RTF1: variants seen among roughly 807,000 people sequenced by gnomAD.
The protein encoded by RTF1 is RTF1 homolog, Paf1/RNA polymerase II complex component, also known as RNA polymerase-associated protein RTF1 homolog.
In RTF1, 10 loss-of-function variants were observed where a neutral mutation model predicts 95.7. The observed-to-expected ratio is 0.10, with a 90% CI of 0.06 to 0.18. The LOEUF (loss-of-function observed/expected upper bound fraction) is 0.18, where lower values mean the gene tolerates loss of function less well. Ranked by LOEUF, RTF1 falls within the 10% of genes least tolerant of loss-of-function variation. The pLI, the probability that RTF1 is intolerant of heterozygous loss-of-function variation, is 1.00. For synonymous variants in RTF1, 305 were observed against 311.8 expected (o/e 0.98, Z 0.23); for missense variants, 458 against 875.6 (o/e 0.52, Z 6.02).
At chr15:41,465,797 C>T (rs2050877648) in intron 5 of RTF1, among the ~76,000 whole-genome samples, 1 of 152,064 alleles carries the variant, frequency 6.6e-6, no homozygotes, top group Non-Finnish European at 1.5e-5. Flanking sequence ...CTGTATTTAT[C>T]ATAAATGAGA....
At chr15:41,455,321 A>T (rs1021653797) in intron 3 of RTF1, among the ~76,000 whole-genome samples, 23 of 151,912 alleles carry the variant, frequency 1.5e-4, no homozygotes, top group Admixed American at 2.6e-4. Context: ...TCCAAAAAAA[A>T]AAAAAAGAAA....
At chr15:41,424,813 A>C (rs566309583) in intron 1 of RTF1, among the ~76,000 whole-genome samples, 2 of 152,164 alleles carry the variant, frequency 1.3e-5, no homozygotes, top group African/African-American at 4.8e-5. Context: ...GAGTTCGACC[A>C]GGCGGGCCAA....
At chr15:41,470,739 A>C in intron 7 of RTF1, among the ~76,000 whole-genome samples, 1 of 144,356 alleles carries the variant, frequency 6.9e-6, no homozygotes, top group East Asian at 2.0e-4. Context: ...GCTCACTGCA[A>C]GCTCCGCCTC....
chr15:41,422,870 G>A (rs2050609525), intron 1 of RTF1, among the ~76,000 whole-genome samples: 2 of 152,076 alleles, frequency 1.3e-5, no homozygotes, highest in Non-Finnish European at 2.9e-5. Context: ...CGCCTCCCGG[G>A]TTCAAACAAT....
chr15:41,440,758 G>T (rs185563080), intron 2 of RTF1, among the ~76,000 whole-genome samples: 3 of 152,094 alleles, frequency 2.0e-5, no homozygotes, highest in Admixed American at 2.0e-4. Context: ...CAAAGTGCTG[G>T]GATTAGAGGC....
At chr15:41,449,805 C>T (rs1414389753) in intron 2 of RTF1, among the ~76,000 whole-genome samples, 3 of 151,652 alleles carry the variant, frequency 2.0e-5, no homozygotes, top group Non-Finnish European at 2.9e-5. Flanking sequence ...ATCATAAAAA[C>T]GAAAAGAAAA....
At chr15:41,478,512 G>C (rs1315192668) in intron 14 of RTF1, 36 bp from the exon 15 acceptor site, 2 of 1,534,670 alleles carry the variant, frequency 1.3e-6, no homozygotes, top group Admixed American at 3.3e-5. Context: ...GGAGGGGCTG[G>C]AGGTGCAGTT....
In RTF1 at chr15:41,471,228, G is replaced by A. The variant is rs1312343430; in HGVS notation, c.1082G>A (p.Arg361Gln). 1.2e-6 allele frequency: 2 copies of A among 1,613,490 alleles called. No homozygotes were observed. The highest frequency in any genetic ancestry group is 1.7e-6 in the Non-Finnish European group (2 of 1,179,836). ...GTTTCCTTACCTGAAGAATTGAATC[G>A]GGTTCGATTATCACGGCATAAGCTA... ...QPVSLPEELN[R>Q]VRLSRHKLER... The change falls in exon 8 of 18, where the codon CGG becomes CAG. Residue 361 changes from arginine (R) to glutamine (Q), a missense_variant. Physicochemically the swap from Arg to Gln is conservative, Grantham distance 43 (BLOSUM62 1). Transcript: ENST00000389629.
chr15:41,420,741 G>A (rs528368260), intron 1 of RTF1, among the ~76,000 whole-genome samples: 1 of 152,170 alleles, frequency 6.6e-6, no homozygotes, highest in Admixed American at 6.5e-5. Context: ...GGTTTTTCCT[G>A]GTGGTAGGGG....
intron 1 of RTF1, among the ~76,000 whole-genome samples, chr15:41,431,716 C>A (rs569780384): frequency 6.6e-6 from 1 of 152,134 alleles, no homozygotes; most frequent in East Asian, 1.9e-4. Context: ...CCAGACTGGT[C>A]TCGAATTCCT....
intron 6 of RTF1, among the ~76,000 whole-genome samples, chr15:41,467,972 C>T (rs1359952899): frequency 6.6e-6 from 1 of 152,112 alleles, no homozygotes; most frequent in Non-Finnish European, 1.5e-5. Context: ...GGAGACCAGC[C>T]TGGCCAACAG....
chr15:41,459,964 G>A (rs1165767072), intron 4 of RTF1, among the ~76,000 whole-genome samples: 1 of 152,110 alleles, frequency 6.6e-6, no homozygotes, highest in Non-Finnish European at 1.5e-5. Flanking sequence ...AAGGAGAATA[G>A]AAGCATTTTC....
chr15:41,468,507 A>C (rs575492729), intron 6 of RTF1, among the ~76,000 whole-genome samples: 7,967 of 151,888 alleles, frequency 0.052, 244 homozygotes, highest in East Asian at 0.17. Flanking sequence ...TTAGTAGAGA[A>C]GGGGTTTCAC....
intron 8 of RTF1, among the ~76,000 whole-genome samples, chr15:41,471,648 A>G (rs2050912202): frequency 6.6e-6 from 1 of 152,176 alleles, no homozygotes; most frequent in Admixed American, 6.5e-5. Context: ...GGAGTTACAT[A>G]ATCTAAAAGA....
At chr15:41,452,863 T>C (rs755728450) in intron 2 of RTF1, 38 bp from the exon 3 acceptor site, 5 of 1,468,956 alleles carry the variant, frequency 3.4e-6, no homozygotes, top group Non-Finnish European at 4.5e-6. Flanking sequence ...AAAGTCCCTA[T>C]TCCTATTTCA....
intron 1 of RTF1, among the ~76,000 whole-genome samples, chr15:41,427,050 C>T (rs566559280): frequency 1.3e-5 from 2 of 151,042 alleles, no homozygotes; most frequent in East Asian, 3.9e-4. Context: ...CCATGTTGGC[C>T]AGGCTGGTCT....
chr15:41,418,575 T>G (rs776327121), intron 1 of RTF1, among the ~76,000 whole-genome samples: 1 of 152,074 alleles, frequency 6.6e-6, no homozygotes, highest in Non-Finnish European at 1.5e-5. Flanking sequence ...CCCAGCACTT[T>G]GGGAGGCCAA....
chr15:41,433,196 C>T (rs141461527), intron 1 of RTF1, among the ~76,000 whole-genome samples: 1,700 of 151,844 alleles, frequency 0.011, 38 homozygotes, highest in African/African-American at 0.04. Flanking sequence ...TGCTGTGAGC[C>T]GAGATCACTC....
chr15:41,445,581 T>G (rs1433458450), intron 2 of RTF1, among the ~76,000 whole-genome samples: 1 of 152,156 alleles, frequency 6.6e-6, no homozygotes, highest in Non-Finnish European at 1.5e-5. Context: ...AATAGTGTCT[T>G]TTGTACTTTA....
Sources: allele counts gnomAD v4.1 joint callset (sites outside exome capture counted in the v4.1 genomes callset), GRCh38; gene constraint gnomAD v4.1.1; transcripts MANE v1.5; gene names NCBI Gene and HGNC (gene_info 2026-07-23, HGNC 2026-07-21).